CNTNAP2: variants seen among roughly 807,000 people sequenced by gnomAD.
The protein encoded by CNTNAP2 is contactin-associated protein-like 2.
Under a neutral mutation model 155.2 loss-of-function variants are expected in CNTNAP2, and 98 were observed. The ratio of observed to expected loss-of-function variants is 0.63; its 90% CI spans 0.54 to 0.75. The LOEUF (loss-of-function observed/expected upper bound fraction) is 0.75, where lower values mean the gene tolerates loss of function less well. Ranked by LOEUF, CNTNAP2 falls within the 30% of genes least tolerant of loss-of-function variation. CNTNAP2 has a pLI of 0.00. For synonymous variants in CNTNAP2, 651 were observed against 631.2 expected (o/e 1.03, Z -0.47); for missense variants, 1,727 against 1,688.1 (o/e 1.02, Z -0.40).
At chr7:147,858,329 C>T (rs1258501466) in intron 13 of CNTNAP2, among the ~76,000 whole-genome samples, 1 of 152,110 alleles carries the variant, frequency 6.6e-6, no homozygotes, top group Non-Finnish European at 1.5e-5. Context: ...TCAGGTGATC[C>T]GCCTGCCTCG....
chr7:147,200,008 A>G (rs908908415), intron 8 of CNTNAP2, among the ~76,000 whole-genome samples: 4 of 152,070 alleles, frequency 2.6e-5, no homozygotes, highest in African/African-American at 7.2e-5. Context: ...ACACTCAGGC[A>G]CAACCATGAA....
At chr7:146,421,284 G>C (rs1244239518) in intron 1 of CNTNAP2, among the ~76,000 whole-genome samples, 1 of 152,130 alleles carries the variant, frequency 6.6e-6, no homozygotes, top group Admixed American at 6.6e-5. Flanking sequence ...ATAGCATCAA[G>C]TTGGCTATCA....
At chr7:147,711,513 G>T (rs966019881) in intron 13 of CNTNAP2, among the ~76,000 whole-genome samples, 16 of 152,180 alleles carry the variant, frequency 1.1e-4, no homozygotes, top group Admixed American at 1.0e-3. Context: ...GAAAAGCACT[G>T]CTCTATAGGA....
chr7:147,756,839 G>C (rs1046575516), intron 13 of CNTNAP2, among the ~76,000 whole-genome samples: 1 of 152,126 alleles, frequency 6.6e-6, no homozygotes, highest in Non-Finnish European at 1.5e-5. Context: ...CATCAGAATA[G>C]GATTCTGGAT....
Position 146,511,431 on chromosome 7 carries a change from G to A in CNTNAP2, c.98-262840G>A, listed in dbSNP as rs902540496. 5.3e-5 allele frequency among the ~76,000 whole-genome samples: 8 copies of A among 152,268 alleles called. No individual in the cohort carries two copies. The South Asian group carries it at 6.2e-4, about 12-fold the overall frequency. On this transcript the variant is annotated intron_variant, in intron 1 of 23. Coordinates refer to ENST00000361727, the MANE Select transcript of CNTNAP2 (RefSeq NM_014141.6). ...ATGACAATAGCTATGGGTTTGTCAC[G>A]TAAGGCTTTATTGTTTTGAAGTATG...
chr7:146,305,181 T>C (rs2129089221), intron 1 of CNTNAP2, among the ~76,000 whole-genome samples: 1 of 152,254 alleles, frequency 6.6e-6, no homozygotes, highest in Non-Finnish European at 1.5e-5. Flanking sequence ...CTAATCCTTT[T>C]TCAAGGTTTT....
intron 1 of CNTNAP2, among the ~76,000 whole-genome samples, chr7:146,281,626 C>T (rs559637611): frequency 7.2e-5 from 11 of 152,022 alleles, no homozygotes; most frequent in African/African-American, 2.7e-4. Flanking sequence ...GAAACCCTGT[C>T]TCTATTAAAA....
chr7:146,996,670 CT>C (rs374072805), intron 3 of CNTNAP2, among the ~76,000 whole-genome samples: 284 of 151,592 alleles, frequency 1.9e-3, no homozygotes, highest in African/African-American at 6.5e-3. Context: ...GATACTTTAA[CT>C]TTTTTTTTCC....
intron 1 of CNTNAP2, among the ~76,000 whole-genome samples, chr7:146,726,808 C>T (rs1017931476): frequency 1.3e-5 from 2 of 151,984 alleles, no homozygotes; most frequent in African/African-American, 2.4e-5. Flanking sequence ...AATAATAATG[C>T]CATTGTCATG....
intron 1 of CNTNAP2, among the ~76,000 whole-genome samples, chr7:146,147,469 T>G (rs970047306): frequency 6.6e-6 from 1 of 152,132 alleles, no homozygotes; most frequent in Non-Finnish European, 1.5e-5. Context: ...TATTAGAATG[T>G]GAAGGACACT....
intron 13 of CNTNAP2, among the ~76,000 whole-genome samples, chr7:147,772,477 TATATATAC>T (rs1451921941): frequency 4.8e-5 from 5 of 105,178 alleles, no homozygotes; most frequent in South Asian, 3.0e-4. Flanking sequence ...TATATATATA[TATATATAC>T]ACACACAAAA....
At chr7:146,428,081 G>T (rs1639433) in intron 1 of CNTNAP2, among the ~76,000 whole-genome samples, 5,421 of 152,154 alleles carry the variant, frequency 0.036, 345 homozygotes, top group African/African-American at 0.12. Context: ...CTCGTTCCTT[G>T]TTATAACTTT....
rs1162610079 is a variant in CNTNAP2, at chr7:146,477,624, AACACACACACACACACACACAC to A, written c.98-296617_98-296596del. On this transcript the variant is annotated intron_variant, in intron 1 of 23. Coordinates refer to ENST00000361727, the MANE Select transcript of CNTNAP2 (RefSeq NM_014141.6). ...TTCCAGTAATCATTCTTCTTCAGCA[AACACACACACACACACACACAC>A]ACACACACACACACACACACACACA... Among the ~76,000 whole-genome samples the A allele has an allele frequency of 1.3e-3, 170 of 131,722 alleles. 1 individual carries two copies. Among genetic ancestry groups the A allele is most frequent in the African/African-American group, 4.0e-3 (146 of 36,864 alleles). The allele number at this position is 131,722 out of a possible 152,430, so 86.4% of individuals were successfully genotyped here. A position where few individuals can be genotyped will look rare whatever the true frequency, so the allele number is the denominator to read the frequency against.
intron 9 of CNTNAP2, among the ~76,000 whole-genome samples, chr7:147,364,873 C>A (rs967417475): frequency 6.6e-6 from 1 of 151,584 alleles, no homozygotes; most frequent in Admixed American, 6.6e-5. Context: ...AAATTCCTAG[C>A]CATGTTAAAA....
intron 12 of CNTNAP2, among the ~76,000 whole-genome samples, chr7:147,611,041 A>T (rs982774020): frequency 6.6e-6 from 1 of 152,018 alleles, no homozygotes; most frequent in African/African-American, 2.4e-5. Context: ...CGCCTGGCCC[A>T]TTTAGCATAT....
chr7:148,153,722 G>A (rs769035940), intron 17 of CNTNAP2, among the ~76,000 whole-genome samples: 1 of 152,232 alleles, frequency 6.6e-6, no homozygotes, highest in African/African-American at 2.4e-5. Context: ...AGCCCTGACA[G>A]CTGATAGCAG....
At chr7:148,268,128 G>A (rs1198625640) in intron 21 of CNTNAP2, among the ~76,000 whole-genome samples, 1 of 152,142 alleles carries the variant, frequency 6.6e-6, no homozygotes, top group Non-Finnish European at 1.5e-5. Flanking sequence ...GATATGATTG[G>A]TGAAGTATTT....
intron 1 of CNTNAP2, among the ~76,000 whole-genome samples, chr7:146,545,315 C>CA (rs751483901): frequency 1.4e-4 from 21 of 151,274 alleles, no homozygotes; most frequent in Admixed American, 2.6e-4. Flanking sequence ...CTTTGTAACA[C>CA]AAAAAAACAA....
At chr7:147,743,937 C>T (rs1796997126) in intron 13 of CNTNAP2, among the ~76,000 whole-genome samples, 1 of 152,190 alleles carries the variant, frequency 6.6e-6, no homozygotes, top group African/African-American at 2.4e-5. Flanking sequence ...CCACCTCTGC[C>T]TTATTACCTG....
Sources: gnomAD v4.1 joint callset for allele counts (sites outside exome capture counted in the v4.1 genomes callset) on GRCh38, gnomAD v4.1.1 for gene constraint, MANE v1.5 for transcripts, NCBI Gene and HGNC (gene_info 2026-07-23, HGNC 2026-07-21) for gene names.